CRB1: variants seen among roughly 807,000 people sequenced by gnomAD.
CRB1 encodes the protein crumbs cell polarity complex component 1.
A neutral mutation model predicts 120.0 loss-of-function variants in CRB1; 83 were observed. The ratio of observed to expected loss-of-function variants is 0.69; its 90% CI spans 0.58 to 0.83. The LOEUF (loss-of-function observed/expected upper bound fraction) is 0.83. Ranked by LOEUF, CRB1 falls within the 40% of genes least tolerant of loss-of-function variation. The pLI is 0.00. For synonymous variants in CRB1, 625 were observed against 612.5 expected (o/e 1.02, Z -0.30); for missense variants, 1,699 against 1,687.6 (o/e 1.01, Z -0.12).
chr1:197,339,748 T>C (rs1659349483), intron 2 of CRB1, among the ~76,000 whole-genome samples: 1 of 152,210 alleles, frequency 6.6e-6, no homozygotes, highest in Non-Finnish European at 1.5e-5. Context: ...TGCCGAAAGA[T>C]GCCAATTGGA....
chr1:197,452,420 A>G (rs941893655), intron 11 of CRB1, among the ~76,000 whole-genome samples: 9 of 152,216 alleles, frequency 5.9e-5, no homozygotes, highest in African/African-American at 1.7e-4. Flanking sequence ...ACGAATATCA[A>G]TTGTCATTAT....
chr1:197,380,650 A>G lies in CRB1; in HGVS notation c.1171+23637A>G, dbSNP rs144316918. ...GAGAGACACAAGCACCAAGCTGGGC[A>G]CTTAACTTCAATCATAGTTAAATTT... On this transcript the variant is annotated intron_variant, in intron 5 of 11. Coordinates refer to ENST00000367400, the MANE Select transcript of CRB1 (RefSeq NM_201253.3). Among the ~76,000 whole-genome samples the G allele has an allele frequency of 3.2e-4, 48 of 152,336 alleles. 1 individual carries two copies. The highest frequency in any genetic ancestry group is 1.1e-3 in the African/African-American group (47 of 41,582).
At chr1:197,352,244 T>C (rs533088350) in intron 4 of CRB1, among the ~76,000 whole-genome samples, 133 of 152,346 alleles carry the variant, frequency 8.7e-4, no homozygotes, top group African/African-American at 2.9e-3. Context: ...AGTCTATTTA[T>C]ATACATGGTT....
the CRB1 span, among the ~76,000 whole-genome samples, chr1:197,242,621 T>C: frequency 2.6e-3 from 392 of 152,282 alleles, no homozygotes; most frequent in Middle Eastern, 3.4e-3. Flanking sequence ...TCATCAGAGA[T>C]ATTGGCCTGA....
intron 5 of CRB1, among the ~76,000 whole-genome samples, chr1:197,387,501 GAA>G (rs1662277723): frequency 6.6e-6 from 1 of 151,944 alleles, no homozygotes; most frequent in Non-Finnish European, 1.5e-5. Flanking sequence ...CCGCTCCATA[GAA>G]TTCTCTAAAT....
chr1:197,331,947 G>A (rs546290544), intron 2 of CRB1, among the ~76,000 whole-genome samples: 103 of 152,194 alleles, frequency 6.8e-4, no homozygotes, highest in Admixed American at 2.4e-3. Context: ...GGCTGAGGCC[G>A]GCAGATCACG....
intron 1 of CRB1, among the ~76,000 whole-genome samples, chr1:197,309,753 AAAAT>A (rs57529093): frequency 0.064 from 9,110 of 141,504 alleles, 726 homozygotes; most frequent in African/African-American, 0.19. Context: ...ACTACATCTC[AAAAT>A]AAATAAATAA....
chr1:197,477,696 C>T lies in CRB1; in HGVS notation c.4038C>T (p.Thr1346=), dbSNP rs1667257557. The T allele has an allele frequency of 1.2e-6, 2 of 1,613,808 alleles. No individual in the cohort carries two copies. The highest frequency in any genetic ancestry group is 1.7e-6 in the Non-Finnish European group (2 of 1,179,836). The part of the protein sequence containing the change: ...LADDLISDIF[T]TIGSVTVALL... ...ATGACTTGATCTCCGACATTTTCAC[C>T]ACTATTGGCTCAGTGACTGTCGCCT... The change falls in exon 12 of 12, where the codon ACC becomes ACT. Residue 1346 remains threonine (T), a synonymous_variant. Transcript: ENST00000367400.
intron 11 of CRB1, chr1:197,442,858 T>C (rs1218476765): frequency 1.0e-5 from 2 of 192,478 alleles, no homozygotes; most frequent in Admixed American, 1.1e-4. Context: ...GGTGTGGTGG[T>C]TCACTCCTAT....
intron 2 of CRB1, among the ~76,000 whole-genome samples, chr1:197,335,997 AGTCTTTCTTAGTAGCTTCTGT>A: frequency 1.3e-5 from 2 of 152,240 alleles, no homozygotes; most frequent in Non-Finnish European, 2.9e-5. Context: ...ACAAGAATGC[AGTCTTTCTTAGTAGCTTCTGT>A]CCACCATATT....
At chr1:197,349,177 A>G (rs548006148) in intron 4 of CRB1, among the ~76,000 whole-genome samples, 2 of 152,314 alleles carry the variant, frequency 1.3e-5, no homozygotes, top group African/African-American at 4.8e-5. Flanking sequence ...TCAATTGCCT[A>G]CAGTATTCAG....
At chr1:197,286,588 G>A (rs1411513680) in intron 1 of CRB1, among the ~76,000 whole-genome samples, 2 of 151,722 alleles carry the variant, frequency 1.3e-5, no homozygotes, top group Non-Finnish European at 2.9e-5. Context: ...TTACTAAAAG[G>A]CCTATACACC....
At chr1:197,267,028 A>G (rs1654663042), upstream of CRB1, among the ~76,000 whole-genome samples, 1 of 152,196 alleles carries the variant, frequency 6.6e-6, no homozygotes, top group Non-Finnish European at 1.5e-5. Context: ...ACTTCACAAG[A>G]TTTAGTGAAG....
rs1658678065 is a variant in CRB1, at chr1:197,328,774, T to A, written c.423T>A (p.Ala141=). The A allele has an allele frequency of 1.9e-6, 3 of 1,612,722 alleles. No homozygotes were observed. Among genetic ancestry groups the A allele is most frequent in the Non-Finnish European group, 2.5e-6 (3 of 1,178,800 alleles). Residue 141 remains alanine, a synonymous_variant, in exon 2 of 12, where the codon GCT becomes GCA. Coordinates refer to ENST00000367400, the MANE Select transcript of CRB1 (RefSeq NM_201253.3). ...TCTGCATCTGCCCTGCTGGATATGC[T>A]GGAAGATTCTGTGAGATAGATCACG... ...YPVCICPAGY[A]GRFCEIDHDE...
At chr1:197,303,939 G>A (rs180864649) in intron 1 of CRB1, among the ~76,000 whole-genome samples, 283 of 152,202 alleles carry the variant, frequency 1.9e-3, no homozygotes, top group African/African-American at 6.5e-3. Flanking sequence ...AATGAACTAT[G>A]ATCATGCCAT....
At chr1:197,384,541 T>A (rs1571442353) in intron 5 of CRB1, among the ~76,000 whole-genome samples, 1 of 152,176 alleles carries the variant, frequency 6.6e-6, no homozygotes, top group Admixed American at 6.6e-5. Context: ...GGGAGCTGCA[T>A]CTTAAATGTA....
chr1:197,441,874 A>G, intron 10 of CRB1: 1 of 409,856 alleles, frequency 2.4e-6, no homozygotes, highest in Non-Finnish European at 4.5e-6. Context: ...ACACTGGTGT[A>G]GGCATGGCCC....
intron 5 of CRB1, among the ~76,000 whole-genome samples, chr1:197,401,059 T>C (rs1276886516): frequency 2.0e-5 from 3 of 152,090 alleles, no homozygotes; most frequent in African/African-American, 7.2e-5. Flanking sequence ...CCTCACAATA[T>C]CTTTAAACTT....
intron 11 of CRB1, among the ~76,000 whole-genome samples, chr1:197,451,042 G>A (rs1164854416): frequency 6.7e-6 from 1 of 149,920 alleles, no homozygotes; most frequent in Non-Finnish European, 1.5e-5. Flanking sequence ...GTCAGCATAA[G>A]AGGAAGCAAG....
Sources: gnomAD v4.1 joint callset for allele counts (sites outside exome capture counted in the v4.1 genomes callset) on GRCh38, gnomAD v4.1.1 for gene constraint, MANE v1.5 for transcripts, NCBI Gene and HGNC (gene_info 2026-07-23, HGNC 2026-07-21) for gene names.